SLC24A3: variants seen among roughly 807,000 people sequenced by gnomAD.
The protein encoded by SLC24A3 is solute carrier family 24 member 3.
Under a neutral mutation model 75.8 loss-of-function variants are expected in SLC24A3, and 28 were observed. That is an observed-to-expected ratio of 0.37 (90% CI 0.27 to 0.51). SLC24A3 has a LOEUF of 0.51. Among genes scored for constraint, SLC24A3 ranks in the 20% least tolerant of loss-of-function variants. The pLI is 0.94. For missense variants in SLC24A3, 663 were observed against 847.8 expected (o/e 0.78, Z 2.71); for synonymous variants, 372 against 334.1 (o/e 1.11, Z -1.24).
At chr20:19,359,545 A>G (rs538122741) in intron 2 of SLC24A3, among the ~76,000 whole-genome samples, 1 of 152,264 alleles carries the variant, frequency 6.6e-6, no homozygotes, top group South Asian at 2.1e-4. Context: ...CATGTCCTCA[A>G]TCTGGGAAGG....
At chr20:19,591,287 C>T (rs2031373543) in intron 6 of SLC24A3, among the ~76,000 whole-genome samples, 1 of 152,102 alleles carries the variant, frequency 6.6e-6, no homozygotes, top group African/African-American at 2.4e-5. Context: ...CTCAGATCCA[C>T]ATCTAGACTA....
intron 6 of SLC24A3, among the ~76,000 whole-genome samples, chr20:19,600,443 CAATAA>C (rs1255135887): frequency 3.3e-5 from 5 of 151,950 alleles, no homozygotes; most frequent in African/African-American, 7.3e-5. Context: ...ATTTTTATGA[CAATAA>C]AATAAAAGAA....
At chr20:19,716,230 GGGCAGCCGGCCTCATGACTTTGGTCAAA>G (rs1490326676) in intron 15 of SLC24A3, among the ~76,000 whole-genome samples, 7 of 151,938 alleles carry the variant, frequency 4.6e-5, no homozygotes, top group Admixed American at 1.3e-4. Context: ...TTCTATTTTG[GGGCAGCCGGCCTCATGACTTTGGTCAAA>G]GGCAGAAGCA....
At chr20:19,488,131 G>A (rs1988154750) in intron 2 of SLC24A3, among the ~76,000 whole-genome samples, 1 of 152,184 alleles carries the variant, frequency 6.6e-6, no homozygotes, top group Non-Finnish European at 1.5e-5. Flanking sequence ...GGCATGCGCT[G>A]GGTAGCGCAT....
chr20:19,325,080 T>C (rs1210501088), intron 2 of SLC24A3, among the ~76,000 whole-genome samples: 1 of 150,256 alleles, frequency 6.7e-6, no homozygotes, highest in Non-Finnish European at 1.5e-5. Flanking sequence ...TCTCTTGCAC[T>C]CCTAAAATAC....
At chr20:19,720,217 T>C (rs2033089436) in intron 16 of SLC24A3, among the ~76,000 whole-genome samples, 1 of 152,154 alleles carries the variant, frequency 6.6e-6, no homozygotes, top group Admixed American at 6.5e-5. Context: ...TTAATTTTAT[T>C]TCATTTAAAT....
intron 3 of SLC24A3, among the ~76,000 whole-genome samples, chr20:19,558,189 TACTG>T (rs1600279908): frequency 1.3e-5 from 2 of 152,328 alleles, no homozygotes; most frequent in African/African-American, 2.4e-5. Flanking sequence ...AAATCACCTT[TACTG>T]ACATATAATT....
intron 2 of SLC24A3, among the ~76,000 whole-genome samples, chr20:19,424,771 A>T (rs1258798828): frequency 6.7e-6 from 1 of 149,176 alleles, no homozygotes; most frequent in African/African-American, 2.5e-5. Context: ...AAAAAAAAAA[A>T]CTTGAGCATA....
chr20:19,523,388 G>A (rs2030139455), intron 3 of SLC24A3, among the ~76,000 whole-genome samples: 1 of 152,208 alleles, frequency 6.6e-6, no homozygotes, highest in East Asian at 1.9e-4. Context: ...GAAAAGTGCT[G>A]AGCATGTCCT....
rs79008822 is a variant in SLC24A3 at position 19,656,815 on chromosome 20, C to T, written c.687+2679C>T. 1.4e-3 allele frequency among the ~76,000 whole-genome samples: 211 copies of T among 152,302 alleles called. 1 individual carries two copies. The highest frequency in any genetic ancestry group is 4.5e-3 in the African/African-American group (186 of 41,566). On this transcript the variant is annotated intron_variant, in intron 7 of 16. Coordinates refer to ENST00000328041, the MANE Select transcript of SLC24A3 (RefSeq NM_020689.4). Reference sequence around the variant, plus strand: ...GTTCTGCTGGTGTTGGCTTCTTTCCCTGTTTTCCGCATAGACACTAACTGG... The same window carrying T: ...GTTCTGCTGGTGTTGGCTTCTTTCCTTGTTTTCCGCATAGACACTAACTGG...
chr20:19,633,375 C>T (rs891156947), intron 6 of SLC24A3, among the ~76,000 whole-genome samples: 1 of 152,088 alleles, frequency 6.6e-6, no homozygotes, highest in Admixed American at 6.5e-5. Context: ...CGTGGCCGGG[C>T]GCGGTGGCTC....
In SLC24A3 at chr20:19,661,232, A is replaced by G. The variant is rs138001514; in HGVS notation, c.688-4632A>G. 2.9e-3 allele frequency among the ~76,000 whole-genome samples: 439 copies of G among 152,222 alleles called. 2 individuals are homozygous for G. The highest frequency in any genetic ancestry group is 4.9e-3 in the Non-Finnish European group (335 of 68,028). ...GCCTGCCTTCATATATTTATACAAC[A>G]TGATCAGCTCGGCTAAAGCCCTGCC... On this transcript the variant is annotated intron_variant, in intron 7 of 16. Transcript: ENST00000328041.
chr20:19,538,626 G>A lies in SLC24A3; in HGVS notation c.348+23062G>A, dbSNP rs559650045. On this transcript the variant is annotated intron_variant, in intron 3 of 16. Coordinates refer to ENST00000328041, the MANE Select transcript of SLC24A3 (RefSeq NM_020689.4). ...AGAAAGACGAGCAAAACCAAGTGTT[G>A]ACAAGTATCTAAATAAAGCAACTGG... is the stretch of plus-strand genomic sequence containing the variant. 2.0e-5 allele frequency among the ~76,000 whole-genome samples: 3 copies of A among 152,234 alleles called. No individual in the cohort carries two copies. In the South Asian group the frequency reaches 6.2e-4, roughly 32 times the overall value.
rs1169658293 is a variant in SLC24A3 at position 19,346,083 on chromosome 20, A to G, written c.271+64996A>G. On this transcript the variant is annotated intron_variant, in intron 2 of 16. Transcript: ENST00000328041. ...GAAAACTATATATATATATATATAT[A>G]TATATATATATATATATATATATAT... Among the ~76,000 whole-genome samples, 47 of 67,982 alleles carry G rather than the reference A, an allele frequency of 6.9e-4. 3 individuals are homozygous for G. The highest frequency in any genetic ancestry group is 5.3e-3 in the African/African-American group (40 of 7,618). The allele number at this position is 67,982 out of a possible 152,430, so 44.6% of individuals were successfully genotyped here. A position where few individuals can be genotyped will look rare whatever the true frequency, so the allele number is the denominator to read the frequency against.
At chr20:19,607,487 T>A (rs980868792) in intron 6 of SLC24A3, among the ~76,000 whole-genome samples, 3 of 152,184 alleles carry the variant, frequency 2.0e-5, no homozygotes, top group African/African-American at 7.2e-5. Context: ...AGGCTCCAAT[T>A]GGGGGTCTAA....
intron 2 of SLC24A3, among the ~76,000 whole-genome samples, chr20:19,347,452 A>G (rs1600441315): frequency 7.5e-6 from 1 of 133,432 alleles, no homozygotes. Context: ...TGTTAGTAAT[A>G]GGGGAAACTG....
chr20:19,310,318 T>C (rs765617144), intron 2 of SLC24A3, among the ~76,000 whole-genome samples: 6 of 152,196 alleles, frequency 3.9e-5, no homozygotes, highest in Non-Finnish European at 5.9e-5. Flanking sequence ...GAAAATGCAC[T>C]GAGTCTGACC....
At chr20:19,428,776 C>T (rs573234639) in intron 2 of SLC24A3, among the ~76,000 whole-genome samples, 14 of 152,324 alleles carry the variant, frequency 9.2e-5, no homozygotes, top group African/African-American at 3.4e-4. Flanking sequence ...TCTACACCTT[C>T]CTTTTCTCTA....
intron 2 of SLC24A3, among the ~76,000 whole-genome samples, chr20:19,320,131 G>C (rs1312206711): frequency 6.6e-6 from 1 of 152,206 alleles, no homozygotes; most frequent in Admixed American, 6.5e-5. Context: ...AATAAAAGCT[G>C]AGCTGAAGAC....
Sources: gnomAD v4.1 joint callset for allele counts (sites outside exome capture counted in the v4.1 genomes callset) on GRCh38, gnomAD v4.1.1 for gene constraint, MANE v1.5 for transcripts, NCBI Gene and HGNC (gene_info 2026-07-23, HGNC 2026-07-21) for gene names.